The following HTR2C variants were observed in gnomAD, a reference collection of about 807,000 sequenced individuals.
HTR2C encodes the protein 5-hydroxytryptamine receptor 2C, also known as 5-hydroxytryptamine (serotonin) receptor 2C, G protein-coupled.
HTR2C carries 5 observed loss-of-function variants against 21.0 expected under a neutral mutation model. The observed-to-expected ratio is 0.24, with a 90% CI of 0.12 to 0.50. HTR2C has a LOEUF of 0.50. Among genes scored for constraint, HTR2C ranks in the 20% least tolerant of loss-of-function variants. The pLI is 0.98. For synonymous variants in HTR2C, 150 were observed against 145.3 expected (o/e 1.03, Z -0.23); for missense variants, 271 against 371.2 (o/e 0.73, Z 2.22).
At chrX:114,661,475 A>G (rs1202518795) in intron 2 of HTR2C, among the ~76,000 whole-genome samples, 1 of 111,220 alleles carries the variant, frequency 9.0e-6, no homozygotes, top group East Asian at 2.8e-4. Context: ...ATGATTGTAT[A>G]TATGTTATGA....
At chrX:114,737,253 G>T (rs2069600688) in intron 4 of HTR2C, among the ~76,000 whole-genome samples, 1 of 104,643 alleles carries the variant, frequency 9.6e-6, no homozygotes, top group Admixed American at 1.0e-4. Flanking sequence ...TTGAGATGGG[G>T]TCTCGCTCTG....
In HTR2C at chrX:114,694,359, C is replaced by A. The variant is rs182865751; in HGVS notation, c.-79-32499C>A. ...ATTAATATTTCGAACACCCAAAATA[C>A]ATTCCATCTACTTGTGCGTTATGAA... On this transcript the variant is annotated intron_variant, in intron 2 of 5. Transcript: ENST00000276198. 5.4e-3 allele frequency among the ~76,000 whole-genome samples: 584 copies of A among 107,434 alleles called. 4 individuals are homozygous for A. The highest frequency in any genetic ancestry group is 0.019 in the African/African-American group (546 of 28,740). 93.3% of individuals were successfully genotyped at this position (107,434 alleles called of 115,157 possible).
At chrX:114,747,927 C>T (rs1290958162) in intron 4 of HTR2C, among the ~76,000 whole-genome samples, 8 of 112,194 alleles carry the variant, frequency 7.1e-5, no homozygotes, top group Admixed American at 6.6e-4. Context: ...ATGAAACATG[C>T]TGAAGAAGAG....
intron 4 of HTR2C, among the ~76,000 whole-genome samples, chrX:114,801,517 T>A (rs1360178972): frequency 1.8e-5 from 2 of 111,365 alleles, no homozygotes; most frequent in African/African-American, 6.5e-5. Context: ...AAATAAACAC[T>A]GGCTCCTTAA....
At chrX:114,623,638 T>C (rs1213316543) in intron 2 of HTR2C, among the ~76,000 whole-genome samples, 1 of 111,699 alleles carries the variant, frequency 9.0e-6, no homozygotes, top group African/African-American at 3.2e-5. Context: ...AATGTTTGAC[T>C]AGAAAATGAC....
Position 114,848,218 on chromosome X carries a change from T to C in HTR2C, c.550+15T>C. 1 of 1,171,245 alleles carries C rather than the reference T, an allele frequency of 8.5e-7. No homozygotes were observed. The highest frequency in any genetic ancestry group is 2.2e-5 in the Admixed American group (1 of 45,629). On this transcript the variant is annotated intron_variant, in intron 5 of 5. Transcript: ENST00000276198. ...AATTTCTATAGGTAAATAAAACTTT[T>C]TGGCCATAAGAATTGCAGCGGCTAT...
intron 2 of HTR2C, among the ~76,000 whole-genome samples, chrX:114,725,896 G>T (rs1441587637): frequency 7.4e-5 from 8 of 108,299 alleles, no homozygotes; most frequent in South Asian, 4.2e-4. Flanking sequence ...CTGCATGCTG[G>T]GAGAACCACT....
At chrX:114,685,282 TTC>T (rs1556414067) in intron 2 of HTR2C, among the ~76,000 whole-genome samples, 1 of 112,069 alleles carries the variant, frequency 8.9e-6, no homozygotes, top group Non-Finnish European at 1.9e-5. Context: ...TAATTAAATC[TTC>T]TCATTCCACA....
intron 5 of HTR2C, among the ~76,000 whole-genome samples, chrX:114,875,856 C>CTT (rs200514793): frequency 4.8e-4 from 51 of 105,250 alleles, no homozygotes; most frequent in East Asian, 3.5e-3. Context: ...TTGCTTCTTA[C>CTT]TTTTTTTTTT....
chrX:114,879,204 C>T (rs1329579889), intron 5 of HTR2C, among the ~76,000 whole-genome samples: 1 of 108,259 alleles, frequency 9.2e-6, no homozygotes, highest in African/African-American at 3.3e-5. Context: ...CTATACCATT[C>T]TGCTTTTGAC....
chrX:114,768,828 C>T (rs1556436069), intron 4 of HTR2C, among the ~76,000 whole-genome samples: 1 of 111,166 alleles, frequency 9.0e-6, no homozygotes, highest in Admixed American at 9.6e-5. Context: ...ATGTAAATGA[C>T]TAAACAAAAG....
intron 2 of HTR2C, among the ~76,000 whole-genome samples, chrX:114,726,644 C>T (rs1254039631): frequency 5.3e-5 from 6 of 112,324 alleles, no homozygotes; most frequent in Non-Finnish European, 1.9e-5. Flanking sequence ...AAAACATATA[C>T]AGAAAATTTT....
chrX:114,869,276 C>A (rs1013886374), intron 5 of HTR2C, among the ~76,000 whole-genome samples: 3 of 111,217 alleles, frequency 2.7e-5, no homozygotes, highest in Admixed American at 9.6e-5. Context: ...AGTCTTTGCT[C>A]TTGTGAATAG....
chrX:114,845,555 G>T (rs1367919029), intron 4 of HTR2C, among the ~76,000 whole-genome samples: 1 of 110,794 alleles, frequency 9.0e-6, no homozygotes, highest in Non-Finnish European at 1.9e-5. Context: ...AAAATATAAG[G>T]ACAATTAATA....
At chrX:114,864,900 CTTTT>C (rs71947180) in intron 5 of HTR2C, among the ~76,000 whole-genome samples, 1 of 84,739 alleles carries the variant, frequency 1.2e-5, no homozygotes. Flanking sequence ...TTTTCTTTTT[CTTTT>C]TTTTTTTTTT....
At chrX:114,775,698 T>A (rs1189944045) in intron 4 of HTR2C, 5 of 627,268 alleles carry the variant, frequency 8.0e-6, no homozygotes, top group Non-Finnish European at 9.9e-6. Context: ...AGGTTGATGC[T>A]CTTATTCAGT....
chrX:114,725,051 G>C (rs1256506830), intron 2 of HTR2C, among the ~76,000 whole-genome samples: 1 of 110,288 alleles, frequency 9.1e-6, no homozygotes, highest in Non-Finnish European at 1.9e-5. Flanking sequence ...TCCTGAATCT[G>C]AATGTTGGCC....
chrX:114,585,623 G>A (rs1556389425), intron 1 of HTR2C, among the ~76,000 whole-genome samples: 1 of 111,268 alleles, frequency 9.0e-6, no homozygotes, highest in Non-Finnish European at 1.9e-5. Context: ...TTTGCTTCCT[G>A]TTGGGTAGTA....
chrX:114,680,126 A>G (rs1364744527), intron 2 of HTR2C, among the ~76,000 whole-genome samples: 3 of 112,419 alleles, frequency 2.7e-5, no homozygotes, highest in African/African-American at 9.7e-5. Context: ...TGAATAGACA[A>G]TAGTTAATTA....
Sources: allele counts gnomAD v4.1 joint callset (sites outside exome capture counted in the v4.1 genomes callset), GRCh38; gene constraint gnomAD v4.1.1; transcripts MANE v1.5; gene names NCBI Gene and HGNC (gene_info 2026-07-23, HGNC 2026-07-21).